Variants in ZRANB3 observed in about 807,000 individuals in gnomAD.
The protein encoded by ZRANB3 is zinc finger RANBP2-type containing 3.
ZRANB3 carries 125 observed loss-of-function variants against 133.8 expected under a neutral mutation model. That is an observed-to-expected ratio of 0.93 (90% CI 0.81 to 1.08). ZRANB3 has a LOEUF of 1.08. ZRANB3 is among the 50% of genes least tolerant of loss of function. ZRANB3 has a pLI of 0.00. For synonymous variants in ZRANB3, 387 were observed against 432.7 expected (o/e 0.89, Z 1.31); for missense variants, 1,229 against 1,275.5 (o/e 0.96, Z 0.56).
intron 2 of ZRANB3, among the ~76,000 whole-genome samples, chr2:135,420,120 T>A (rs957500014): frequency 1.4e-4 from 12 of 88,174 alleles, no homozygotes; most frequent in African/African-American, 1.9e-4. Flanking sequence ...TATATATATA[T>A]ATATAACTTA....
Position 135,315,500 on chromosome 2 carries a change from A to G in ZRANB3, c.708T>C (p.Cys236=). 6.4e-7 allele frequency: 1 copy of G among 1,571,452 alleles called. No individual in the cohort carries two copies. Among genetic ancestry groups the G allele is most frequent in the Non-Finnish European group, 8.6e-7 (1 of 1,163,428 alleles). Residue 236 remains cysteine (C), a synonymous_variant, in exon 7 of 21, where the codon TGT becomes TGC. Transcript: ENST00000264159. ...RYFGKRPQWD[C]RGASNLNELH... ...GTTCATTAAGATTTGATGCCCCTCT[A>G]CAATCCCACTGAGGTCTTTTACCAA...
In ZRANB3 at chr2:135,412,705, C is replaced by T. The variant is rs528389017; in HGVS notation, c.162-21885G>A. ...AAAATAATAAATTCTCTCAAAACAG[C>T]TGAGGTATACCTTTTTTAAACCATC... On this transcript the variant is annotated intron_variant, in intron 2 of 20. Coordinates refer to ENST00000264159, the MANE Select transcript of ZRANB3 (RefSeq NM_032143.4). Among the ~76,000 whole-genome samples the T allele has an allele frequency of 4.5e-5, 6 of 132,632 alleles. No homozygotes were observed. In the South Asian group the frequency reaches 1.5e-3, roughly 32 times the overall value. The allele number at this position is 132,632 out of a possible 152,430, so 87.0% of individuals were successfully genotyped here. A position where few individuals can be genotyped will look rare whatever the true frequency, so the allele number is the denominator to read the frequency against.
At chr2:135,406,641 T>A (rs1214808893) in intron 2 of ZRANB3, among the ~76,000 whole-genome samples, 1 of 152,210 alleles carries the variant, frequency 6.6e-6, no homozygotes, top group Non-Finnish European at 1.5e-5. Context: ...GTGGGCTTCA[T>A]CCCTGGGATG....
chr2:135,507,612 A>C (rs1204817396), intron 1 of ZRANB3, among the ~76,000 whole-genome samples: 1 of 152,028 alleles, frequency 6.6e-6, no homozygotes. Flanking sequence ...GTTAAGTAAA[A>C]AATTTTAAAA....
At chr2:135,440,268 C>T (rs1689722247) in intron 2 of ZRANB3, among the ~76,000 whole-genome samples, 1 of 151,826 alleles carries the variant, frequency 6.6e-6, no homozygotes, top group Admixed American at 6.6e-5. Context: ...TCTATTTTAC[C>T]ACAGTCCAAT....
At chr2:135,422,508 G>A (rs572526313) in intron 2 of ZRANB3, among the ~76,000 whole-genome samples, 2 of 151,870 alleles carry the variant, frequency 1.3e-5, no homozygotes, top group African/African-American at 4.8e-5. Context: ...GGGGGGCGGC[G>A]GGGGCATAAA....
At position 135,224,500 on chromosome 2, in the gene ZRANB3, C is replaced by T. The variant is rs1309549813; in HGVS notation, c.2176G>A (p.Asp726Asn). 1 of 1,612,560 alleles carries T rather than the reference C, an allele frequency of 6.2e-7. No homozygotes were observed. Among genetic ancestry groups the T allele is most frequent in the South Asian group, 1.1e-5 (1 of 90,852 alleles). Reference sequence around the variant, plus strand: ...AAGGTGTCATACACTGGCAAAGTGTCTGAACTCTTCCACTGTTCTATTAAA... The same window carrying T: ...AAGGTGTCATACACTGGCAAAGTGTTTGAACTCTTCCACTGTTCTATTAAA... ...QPGNEQWKSS[D>N]TLPVYDTLMF... is the part of the protein sequence containing the mutation. The change falls in exon 15 of 21, where the codon GAC becomes AAC. Residue 726 changes from aspartate (D) to asparagine (N), a missense_variant. Asp to Asn is a conservative substitution (Grantham distance 23, BLOSUM62 1). Transcript: ENST00000264159.
At chr2:135,207,973 C>T (rs1693949445) in intron 18 of ZRANB3, 137 bp from the exon 19 acceptor site, 3 of 845,504 alleles carry the variant, frequency 3.5e-6, no homozygotes, top group Non-Finnish European at 5.2e-6. Context: ...AAAATAGTTA[C>T]AGTCAGCACT....
intron 7 of ZRANB3, among the ~76,000 whole-genome samples, chr2:135,314,459 A>G (rs1683159399): frequency 6.6e-6 from 1 of 152,228 alleles, no homozygotes; most frequent in Non-Finnish European, 1.5e-5. Context: ...ATAACAATGA[A>G]AAACTCTGTT....
intron 2 of ZRANB3, among the ~76,000 whole-genome samples, chr2:135,420,256 T>C (rs891978152): frequency 6.6e-6 from 1 of 151,296 alleles, no homozygotes. Context: ...ATCTCTTTAA[T>C]GGTATACATG....
chr2:135,224,961 T>C (rs2105060625), intron 14 of ZRANB3, among the ~76,000 whole-genome samples: 1 of 152,356 alleles, frequency 6.6e-6, no homozygotes, highest in Admixed American at 6.5e-5. Context: ...CCCTGTAGCC[T>C]GGTGCCTGAC....
At chr2:135,332,707 C>G (rs1684204529) in intron 6 of ZRANB3, among the ~76,000 whole-genome samples, 2 of 152,146 alleles carry the variant, frequency 1.3e-5, no homozygotes, top group South Asian at 2.1e-4. Context: ...TTGAGACATT[C>G]TACTCTCTAC....
At chr2:135,265,717 A>C (rs1680207670) in intron 11 of ZRANB3, 31 bp from the exon 12 acceptor site, 1 of 1,599,072 alleles carries the variant, frequency 6.3e-7, no homozygotes, top group Admixed American at 1.7e-5. Context: ...TGAATTTTTG[A>C]GCAGTTCACC....
At chr2:135,321,452 TTTC>T (rs1283037008) in intron 6 of ZRANB3, among the ~76,000 whole-genome samples, 2 of 151,426 alleles carry the variant, frequency 1.3e-5, no homozygotes, top group African/African-American at 4.9e-5. Context: ...ATTATTTTGT[TTTC>T]TTATTACTGA....
At chr2:135,259,649 C>T (rs929537282) in intron 12 of ZRANB3, among the ~76,000 whole-genome samples, 2 of 152,022 alleles carry the variant, frequency 1.3e-5, no homozygotes, top group African/African-American at 4.8e-5. Flanking sequence ...AACTCTCGAC[C>T]TCAGCTGATC....
At chr2:135,346,232 G>C (rs1014114429) in intron 5 of ZRANB3, among the ~76,000 whole-genome samples, 2 of 152,146 alleles carry the variant, frequency 1.3e-5, no homozygotes, top group Admixed American at 1.3e-4. Context: ...GAGTAGCTTG[G>C]AGTACAGACG....
At chr2:135,466,307 C>CG (rs889301777) in intron 2 of ZRANB3, among the ~76,000 whole-genome samples, 3 of 139,842 alleles carry the variant, frequency 2.1e-5, no homozygotes, top group African/African-American at 7.9e-5. Flanking sequence ...AGCTTGAACC[C>CG]GGGAGTCGGA....
At chr2:135,456,004 T>C (rs1447670501) in intron 2 of ZRANB3, among the ~76,000 whole-genome samples, 4 of 152,252 alleles carry the variant, frequency 2.6e-5, no homozygotes, top group Non-Finnish European at 5.9e-5. Context: ...AAATCTACTT[T>C]GCTTATTTCC....
chr2:135,458,888 G>A (rs1002723342), intron 2 of ZRANB3, among the ~76,000 whole-genome samples: 1 of 151,868 alleles, frequency 6.6e-6, no homozygotes, highest in African/African-American at 2.4e-5. Context: ...TTATAAAAAG[G>A]GACAGAAAGA....
Sources: gnomAD v4.1 joint callset for allele counts (sites outside exome capture counted in the v4.1 genomes callset) on GRCh38, gnomAD v4.1.1 for gene constraint, MANE v1.5 for transcripts, NCBI Gene and HGNC (gene_info 2026-07-23, HGNC 2026-07-21) for gene names.